The following AP5B1 variants were observed in gnomAD, a reference collection of about 807,000 sequenced individuals.
AP5B1 encodes AP-5 complex subunit beta-1.
A neutral mutation model predicts 5.7 loss-of-function variants in AP5B1; 3 were observed. The observed-to-expected ratio is 0.53, with a 90% CI of 0.24 to 1.36. The LOEUF is 1.36. Ranked by LOEUF, AP5B1 falls within the 40% of genes most tolerant of loss-of-function variation. The pLI, the probability that AP5B1 is intolerant of heterozygous loss-of-function variation, is 0.17. For synonymous variants in AP5B1, 696 were observed against 555.5 expected (o/e 1.25, Z -3.56); for missense variants, 1,310 against 1,143.2 (o/e 1.15, Z -2.10).
rs991300241 is a variant in AP5B1 at position 65,777,326 on chromosome 11, C to G, written c.*530G>C. On this transcript the variant is annotated 3_prime_UTR_variant, in exon 2 of 2. Transcript: ENST00000532090. Reference sequence around the variant, plus strand: ...AAGGAACTCTGTAGCTCTACAGTGCCGGGTTCTGTCTGGAAGCCTTCTTGG... The same window carrying G: ...AAGGAACTCTGTAGCTCTACAGTGCGGGGTTCTGTCTGGAAGCCTTCTTGG... The G allele has an allele frequency of 6.5e-6, 1 of 154,154 alleles. No homozygotes were observed. The highest frequency in any genetic ancestry group is 2.4e-5 in the African/African-American group (1 of 41,422). 9.5% of individuals were successfully genotyped at this position (154,154 alleles called of 1,614,324 possible). A position where few individuals can be genotyped will look rare whatever the true frequency, so the allele number is the denominator to read the frequency against.
In AP5B1 at chr11:65,777,802, G is replaced by A; in HGVS notation, c.*54C>T. The A allele has an allele frequency of 6.9e-7, 1 of 1,448,656 alleles. No homozygotes were observed. The highest frequency in any genetic ancestry group is 9.1e-7 in the Non-Finnish European group (1 of 1,098,018). 89.7% of individuals were successfully genotyped at this position (1,448,656 alleles called of 1,614,324 possible). On this transcript the variant is annotated 3_prime_UTR_variant, in exon 2 of 2. Coordinates refer to ENST00000532090, the MANE Select transcript of AP5B1 (RefSeq NM_138368.5). Reference sequence around the variant, plus strand: ...GTTTTGGCGACAGAGCTACAGGAGTGTGCCTTGGCCCCCACAAGGGCCACA... The same window carrying A: ...GTTTTGGCGACAGAGCTACAGGAGTATGCCTTGGCCCCCACAAGGGCCACA...
Position 65,780,329 on chromosome 11 carries a change from G to A in AP5B1, c.164C>T (p.Ala55Val), listed in dbSNP as rs1481882786. The change falls in exon 2 of 2, where the codon GCC becomes GTC. Residue 55 changes from alanine to valine, a missense_variant. By Grantham distance (64) the Ala-to-Val change is moderately conservative (BLOSUM62 0). Transcript: ENST00000532090. ...LSEQTKVSLLALSMEYPAQLW... is the reference protein window; with the variant it reads ...LSEQTKVSLLVLSMEYPAQLW... ...CTGCGCAGGGTACTCCATGCTCAGGGCCAGCAGGGAAACCTGGATGGGGGA... is the reference window on the plus strand; with the variant it reads ...CTGCGCAGGGTACTCCATGCTCAGGACCAGCAGGGAAACCTGGATGGGGGA... The A allele has an allele frequency of 6.8e-6, 10 of 1,474,872 alleles. No individual in the cohort carries two copies. The highest frequency in any genetic ancestry group is 2.5e-5 in the Admixed American group (1 of 40,294). 91.4% of individuals were successfully genotyped at this position (1,474,872 alleles called of 1,614,324 possible).
Position 65,778,338 on chromosome 11 carries a change from G to A in AP5B1, c.2155C>T (p.Arg719Cys). The change falls in exon 2 of 2, where the codon CGC (arginine) becomes TGC (cysteine). Residue 719 changes from arginine (R) to cysteine (C), a missense_variant. Coordinates refer to ENST00000532090, the MANE Select transcript of AP5B1 (RefSeq NM_138368.5). ...GGCAGGAGCAGAGGGCGGGCAGGGC[G>A]GCCAGGACACAGGCAGGGCACATGG... ...AVHVPCLCPG[R>C]PARPLLLPLQ... The A allele has an allele frequency of 2.5e-6, 4 of 1,611,688 alleles. No individual in the cohort carries two copies. Among genetic ancestry groups the A allele is most frequent in the East Asian group, 4.5e-5 (2 of 44,850 alleles).
In AP5B1 at chr11:65,779,398, A is replaced by G. The variant is rs1265024086; in HGVS notation, c.1095T>C (p.His365=). The G allele has an allele frequency of 1.9e-6, 3 of 1,603,894 alleles. No homozygotes were observed. Among genetic ancestry groups the G allele is most frequent in the African/African-American group, 2.7e-5 (2 of 74,764 alleles). ...TCAGGACGCAGTGAAGGTAAAAGAG[A>G]TGGGTGGGCGGAGGCAGAGCAGGGT... ...AQHPALPPPT[H]LFYLHCVLSF... The change falls in exon 2 of 2, where the codon CAT becomes CAC. Residue 365 remains histidine (H), a synonymous_variant. Transcript: ENST00000532090.
Position 65,779,453 on chromosome 11 carries a change from A to G in AP5B1, c.1040T>C (p.Leu347Pro). 1 of 1,606,108 alleles carries G rather than the reference A, an allele frequency of 6.2e-7. No homozygotes were observed. Among genetic ancestry groups the G allele is most frequent in the Non-Finnish European group, 8.5e-7 (1 of 1,176,924 alleles). The change falls in exon 2 of 2, where the codon CTG becomes CCG. Residue 347 changes from leucine (L) to proline (P), a missense_variant. By Grantham distance (98) the Leu-to-Pro change is moderately conservative. Transcript: ENST00000532090. ...GGCAGCCAAGGTGAGCCGGCGGAGC[A>G]GCAACGCTTCATCCTGGGCTGTGAA... ...ALFTAQDEAL[L>P]LRRLTLAAQH...
At position 65,779,401 on chromosome 11, in the gene AP5B1, G is replaced by C; in HGVS notation, c.1092C>G (p.Thr364=). The C allele has an allele frequency of 6.2e-7, 1 of 1,604,604 alleles. No homozygotes were observed. The highest frequency in any genetic ancestry group is 8.5e-7 in the Non-Finnish European group (1 of 1,175,206). ...GGACGCAGTGAAGGTAAAAGAGATG[G>C]GTGGGCGGAGGCAGAGCAGGGTGCT... is the stretch of plus-strand genomic sequence containing the variant. ...AAQHPALPPP[T]HLFYLHCVLS... Residue 364 remains threonine (T), a synonymous_variant, in exon 2 of 2, where the codon ACC becomes ACG. Coordinates refer to ENST00000532090, the MANE Select transcript of AP5B1 (RefSeq NM_138368.5).
Position 65,779,174 on chromosome 11 carries a change from T to C in AP5B1, c.1319A>G (p.Tyr440Cys). The C allele has an allele frequency of 1.2e-6, 2 of 1,611,402 alleles. No individual in the cohort carries two copies. The highest frequency in any genetic ancestry group is 1.7e-6 in the Non-Finnish European group (2 of 1,179,146). Reference protein sequence around the residue: ...EKGQLPSPRHYLEELLAGLRQ... With the variant: ...EKGQLPSPRHCLEELLAGLRQ... ...CAAGCCAGCCAGCAGCTCTTCCAGG[T>C]AGTGCCGTGGGCTTGGAAGCTGGCC... The change falls in exon 2 of 2, where the codon TAC (tyrosine) becomes TGC (cysteine). Residue 440 changes from tyrosine (Y) to cysteine (C), a missense_variant. Physicochemically the swap from Tyr to Cys is radical, Grantham distance 194. Coordinates refer to ENST00000532090, the MANE Select transcript of AP5B1 (RefSeq NM_138368.5).
rs942855730 is a variant in AP5B1, at chr11:65,775,371, G to A, written c.*2485C>T. ...TAGCATCTCCAGGCAAAAAGAAAAC[G>A]TTTCTGGATTCCCTTGCCACTGGAG... On this transcript the variant is annotated 3_prime_UTR_variant, in exon 2 of 2. Transcript: ENST00000532090. 1.3e-5 allele frequency among the ~76,000 whole-genome samples: 2 copies of A among 152,234 alleles called. No individual in the cohort carries two copies. Among genetic ancestry groups the A allele is most frequent in the Non-Finnish European group, 2.9e-5 (2 of 68,044 alleles).
Position 65,777,913 on chromosome 11 carries a change from G to T in AP5B1, c.2580C>A (p.Asp860Glu). ...CCCCCGCCAGGGGCAGCACGGCCCA[G>T]TCATCGGTCCGCAGGGCCACAGGCA... ...DGVPVALRTD[D>E]WAVLPLAGDY... Residue 860 changes from aspartate (D) to glutamate (E), a missense_variant, in exon 2 of 2, where the codon GAC becomes GAA. Coordinates refer to ENST00000532090, the MANE Select transcript of AP5B1 (RefSeq NM_138368.5). The T allele has an allele frequency of 6.4e-7, 1 of 1,556,912 alleles. No homozygotes were observed. Among genetic ancestry groups the T allele is most frequent in the Non-Finnish European group, 8.7e-7 (1 of 1,150,998 alleles).
Position 65,779,215 on chromosome 11 carries a change from C to T in AP5B1, c.1278G>A (p.Glu426=). Residue 426 remains glutamate, a synonymous_variant, in exon 2 of 2, where the codon GAG becomes GAA. Transcript: ENST00000532090. ...GAAGCTGGCCTTTCTCCTCTTCTTC[C>T]TCCTCGGCACAGAGCAGGCACAGTA... ...LHLLCLLCAE[E]EEEEKGQLPS... 1 of 1,603,624 alleles carries T rather than the reference C, an allele frequency of 6.2e-7. No homozygotes were observed. Among genetic ancestry groups the T allele is most frequent in the Non-Finnish European group, 8.5e-7 (1 of 1,174,950 alleles).
In AP5B1 at chr11:65,777,730, C is replaced by G. The variant is rs548398375; in HGVS notation, c.*126G>C. ...TCACCCCCAGGAGCCTGCTCCCAAC[C>G]GGGGCCCAAAAGAAAACAAGCCAGC... On this transcript the variant is annotated 3_prime_UTR_variant, in exon 2 of 2. Transcript: ENST00000532090. 8.1e-4 allele frequency: 962 copies of G among 1,188,590 alleles called. 1 individual carries two copies. The highest frequency in any genetic ancestry group is 1.0e-3 in the Non-Finnish European group (901 of 877,806). The allele number at this position is 1,188,590 out of a possible 1,614,324, so 73.6% of individuals were successfully genotyped here.
rs1009935466 is a variant in AP5B1, at chr11:65,777,719, C to T, written c.*137G>A. The T allele has an allele frequency of 1.4e-5, 15 of 1,050,840 alleles. No homozygotes were observed. The African/African-American group carries it at 2.1e-4, about 15-fold the overall frequency. 65.1% of individuals were successfully genotyped at this position (1,050,840 alleles called of 1,614,324 possible). On this transcript the variant is annotated 3_prime_UTR_variant, in exon 2 of 2. Transcript: ENST00000532090. Reference sequence around the variant, plus strand: ...CAGACAGACCCTCACCCCCAGGAGCCTGCTCCCAACCGGGGCCCAAAAGAA... The same window carrying T: ...CAGACAGACCCTCACCCCCAGGAGCTTGCTCCCAACCGGGGCCCAAAAGAA...
chr11:65,780,803 G>C lies in AP5B1; in HGVS notation c.-212C>G, dbSNP rs1037453145. The C allele has an allele frequency of 2.5e-6, 1 of 399,618 alleles. No individual in the cohort carries two copies. The highest frequency in any genetic ancestry group is 2.1e-5 in the African/African-American group (1 of 47,904). 24.8% of individuals were successfully genotyped at this position (399,618 alleles called of 1,614,324 possible). Reference sequence around the variant, plus strand: ...CCGGGGCCCTCGCGGGACAGGACAGGAGCAGGGCGGGGGAGGGTGCGTGCC... The same window carrying C: ...CCGGGGCCCTCGCGGGACAGGACAGCAGCAGGGCGGGGGAGGGTGCGTGCC... On this transcript the variant is annotated 5_prime_UTR_variant, in exon 1 of 2. Transcript: ENST00000532090.
At position 65,779,596 on chromosome 11, in the gene AP5B1, A is replaced by T; in HGVS notation, c.897T>A (p.Gly299=). The change falls in exon 2 of 2, where the codon GGT becomes GGA. Residue 299 remains glycine, a synonymous_variant. Coordinates refer to ENST00000532090, the MANE Select transcript of AP5B1 (RefSeq NM_138368.5). ...AGAGTGCCGGTGGCTGTCCCTGCAG[A>T]CCCCGCAGGGCCCAGCCCAGCAGCC... The part of the protein sequence containing the change: ...LLWLLGWALR[G]LQGQPPALFK... 1 of 1,605,706 alleles carries T rather than the reference A, an allele frequency of 6.2e-7. No individual in the cohort carries two copies. The highest frequency in any genetic ancestry group is 8.5e-7 in the Non-Finnish European group (1 of 1,176,760).
In AP5B1 at chr11:65,774,912, G is replaced by A. The variant is rs1048968522; in HGVS notation, c.*2944C>T. Among the ~76,000 whole-genome samples, 4 of 152,166 alleles carry A rather than the reference G, an allele frequency of 2.6e-5. No homozygotes were observed. The highest frequency in any genetic ancestry group is 3.8e-4 in the East Asian group (2 of 5,198). On this transcript the variant is annotated 3_prime_UTR_variant, in exon 2 of 2. Coordinates refer to ENST00000532090, the MANE Select transcript of AP5B1 (RefSeq NM_138368.5). ...GCATGCTGCTATTGCCATGATCTTC[G>A]GGAAGCTGAAGTGATGAGCAGCAGT...
chr11:65,779,894 T>G lies in AP5B1; in HGVS notation c.599A>C (p.Gln200Pro). The G allele has an allele frequency of 6.3e-7, 1 of 1,594,690 alleles. No homozygotes were observed. Among genetic ancestry groups the G allele is most frequent in the Non-Finnish European group, 8.5e-7 (1 of 1,170,482 alleles). Residue 200 changes from glutamine (Q) to proline (P), a missense_variant, in exon 2 of 2, where the codon CAG (glutamine) becomes CCG (proline). Gln to Pro is a moderately conservative substitution (Grantham distance 76, BLOSUM62 -1). Transcript: ENST00000532090. ...CCCCAGGCCAGCCCCAACCCGGGAC[T>G]GGAGCACCAAGGTGTTGCGCAAAGC... ...ALALRNTLVLQSRVGAGLGGL... is the reference protein window; with the variant it reads ...ALALRNTLVLPSRVGAGLGGL...
rs1314154454 is a variant in AP5B1 at position 65,774,254 on chromosome 11, A to C, written c.*3602T>G. ...GTTTACATAACTGATTTGATAATCC[A>C]GGGCATTTGTTACAGCGTATCCAGG... On this transcript the variant is annotated 3_prime_UTR_variant, in exon 2 of 2. Coordinates refer to ENST00000532090, the MANE Select transcript of AP5B1 (RefSeq NM_138368.5). Among the ~76,000 whole-genome samples, 1 of 152,228 alleles carries C rather than the reference A, an allele frequency of 6.6e-6. No individual in the cohort carries two copies. Among genetic ancestry groups the C allele is most frequent in the African/African-American group, 2.4e-5 (1 of 41,458 alleles).
Position 65,777,921 on chromosome 11 carries a change from T to G in AP5B1, c.2572A>C (p.Thr858Pro). 1 of 1,560,328 alleles carries G rather than the reference T, an allele frequency of 6.4e-7. No individual in the cohort carries two copies. The highest frequency in any genetic ancestry group is 1.4e-5 in the African/African-American group (1 of 73,466). The change falls in exon 2 of 2, where the codon ACC (threonine) becomes CCC (proline). Residue 858 changes from threonine (T) to proline (P), a missense_variant. Thr to Pro is a conservative substitution (Grantham distance 38). Coordinates refer to ENST00000532090, the MANE Select transcript of AP5B1 (RefSeq NM_138368.5). The part of the protein sequence containing the change: ...LADGVPVALR[T>P]DDWAVLPLAG... ...AGGGGCAGCACGGCCCAGTCATCGGTCCGCAGGGCCACAGGCACTCCATCT... is the reference window on the plus strand; with the variant it reads ...AGGGGCAGCACGGCCCAGTCATCGGGCCGCAGGGCCACAGGCACTCCATCT...
rs370324323 is a variant in AP5B1, at chr11:65,778,807, G to A, written c.1686C>T (p.Ala562=). The A allele has an allele frequency of 3.1e-5, 50 of 1,611,354 alleles. No individual in the cohort carries two copies. Among genetic ancestry groups the A allele is most frequent in the African/African-American group, 4.0e-5 (3 of 74,928 alleles). Residue 562 remains alanine (A), a synonymous_variant, in exon 2 of 2, where the codon GCC becomes GCT. Coordinates refer to ENST00000532090, the MANE Select transcript of AP5B1 (RefSeq NM_138368.5). ...AQSATLNFLQ[A]AAAHCTNWDL... ...CCCAGTTCGTGCAGTGGGCAGCCGC[G>A]GCCTGTAGAAAGTTGAGGGTAGCAC...
Sources: gnomAD v4.1 joint callset for allele counts (sites outside exome capture counted in the v4.1 genomes callset) on GRCh38, gnomAD v4.1.1 for gene constraint, MANE v1.5 for transcripts, NCBI Gene and HGNC (gene_info 2026-07-23, HGNC 2026-07-21) for gene names.